Variants in UGT1A8 observed in about 807,000 individuals in gnomAD.
UGT1A8 encodes UDP-glucuronosyltransferase 1A8.
A neutral mutation model predicts 45.3 loss-of-function variants in UGT1A8; 39 were observed. That is an observed-to-expected ratio of 0.86 (90% CI 0.67 to 1.12). The LOEUF (loss-of-function observed/expected upper bound fraction) is 1.12, where lower values mean the gene tolerates loss of function less well. Ranked by LOEUF, UGT1A8 falls within the 50% of genes most tolerant of loss-of-function variation. UGT1A8 has a pLI of 0.00. For synonymous variants in UGT1A8, 275 were observed against 249.2 expected, an observed-to-expected ratio of 1.10 and a Z score of -0.97; for missense variants, 719 against 664.9, an observed-to-expected ratio of 1.08 and a Z score of -0.90.
At chr2:233,653,778 G>A (rs1266020829) in intron 1 of UGT1A8, among the ~76,000 whole-genome samples, 2 of 152,166 alleles carry the variant, frequency 1.3e-5, no homozygotes, top group Non-Finnish European at 2.9e-5. Context: ...TGTATTTTTA[G>A]TAGACATGGG....
intron 1 of UGT1A8, chr2:233,755,174 G>T (rs868590389): frequency 1.1e-5 from 14 of 1,248,736 alleles, no homozygotes; most frequent in Middle Eastern, 4.4e-4. Flanking sequence ...GGTTTTTGTC[G>T]GGGTGCCACT....
At chr2:233,736,291 G>A (rs1279591906) in intron 1 of UGT1A8, among the ~76,000 whole-genome samples, 1 of 151,976 alleles carries the variant, frequency 6.6e-6, no homozygotes, top group Admixed American at 6.6e-5. Flanking sequence ...CTTTCTTCCA[G>A]TTGCTCTAAT....
At chr2:233,753,812 C>G (rs1215022778) in intron 1 of UGT1A8, among the ~76,000 whole-genome samples, 1 of 152,152 alleles carries the variant, frequency 6.6e-6, no homozygotes, top group Non-Finnish European at 1.5e-5. Flanking sequence ...AGTTGGAGAA[C>G]CACGTTAGGG....
At chr2:233,668,219 C>T (rs552813773) in intron 1 of UGT1A8, among the ~76,000 whole-genome samples, 23 of 152,162 alleles carry the variant, frequency 1.5e-4, no homozygotes, top group Non-Finnish European at 2.2e-4. Context: ...CCCCACCTCT[C>T]GACAGGCCCC....
chr2:233,763,254 T>C (rs1698269941), intron 1 of UGT1A8, among the ~76,000 whole-genome samples: 1 of 152,240 alleles, frequency 6.6e-6, no homozygotes, highest in Non-Finnish European at 1.5e-5. Context: ...TAGTAACCTG[T>C]TTTGTCTTGT....
At chr2:233,682,036 G>A in intron 1 of UGT1A8, 1 of 1,614,116 alleles carries the variant, frequency 6.2e-7, no homozygotes, top group Admixed American at 1.7e-5. Flanking sequence ...TAGTGCCCAT[G>A]GATGGGAGCC....
intron 1 of UGT1A8, among the ~76,000 whole-genome samples, chr2:233,733,833 G>A (rs1195470780): frequency 2.6e-5 from 4 of 152,136 alleles, no homozygotes; most frequent in African/African-American, 4.8e-5. Flanking sequence ...ATGAGTTAGG[G>A]AGGATTCCCT....
At chr2:233,757,176 AG>A (rs1350201754) in intron 1 of UGT1A8, among the ~76,000 whole-genome samples, 4 of 151,300 alleles carry the variant, frequency 2.6e-5, no homozygotes, top group Non-Finnish European at 5.9e-5. Flanking sequence ...TTTGAGAGCA[AG>A]GCAGAGGACT....
At chr2:233,650,181 G>T (rs2073704705) in intron 1 of UGT1A8, among the ~76,000 whole-genome samples, 1 of 152,074 alleles carries the variant, frequency 6.6e-6, no homozygotes, top group African/African-American at 2.4e-5. Flanking sequence ...TGTTGGTCAG[G>T]CTGGTCTCGA....
chr2:233,719,934 T>C (rs747645753), intron 1 of UGT1A8, among the ~76,000 whole-genome samples: 3 of 152,106 alleles, frequency 2.0e-5, no homozygotes, highest in African/African-American at 7.2e-5. Context: ...CGGACAGTGT[T>C]TGTAAAGGCA....
chr2:233,631,568 T>C (rs1457016861), intron 1 of UGT1A8, among the ~76,000 whole-genome samples: 1 of 152,256 alleles, frequency 6.6e-6, no homozygotes, highest in Non-Finnish European at 1.5e-5. Context: ...TGGTTTTGAT[T>C]TGCATTTCTC....
chr2:233,725,092 C>T (rs1421040680), intron 1 of UGT1A8, among the ~76,000 whole-genome samples: 3 of 144,372 alleles, frequency 2.1e-5, no homozygotes, highest in African/African-American at 7.9e-5. Flanking sequence ...CAGGCTGAGG[C>T]AGGAGAATCA....
chr2:233,758,308 C>G (rs1190172459), intron 1 of UGT1A8, among the ~76,000 whole-genome samples: 1 of 152,214 alleles, frequency 6.6e-6, no homozygotes. Flanking sequence ...TCCAGGTACA[C>G]AGCAGAAGCA....
chr2:233,642,293 T>A (rs1330757606), intron 1 of UGT1A8, among the ~76,000 whole-genome samples: 1 of 152,228 alleles, frequency 6.6e-6, no homozygotes, highest in African/African-American at 2.4e-5. Flanking sequence ...ATTCTGCTAT[T>A]AAAGGACTTT....
chr2:233,751,126 G>C (rs1694648439), intron 1 of UGT1A8, among the ~76,000 whole-genome samples: 1 of 151,986 alleles, frequency 6.6e-6, no homozygotes, highest in East Asian at 1.9e-4. Flanking sequence ...TGTCCAAGTT[G>C]CCTGAGACTG....
intron 1 of UGT1A8, chr2:233,671,736 T>C (rs1559333698): frequency 1.6e-6 from 2 of 1,212,746 alleles, no homozygotes; most frequent in East Asian, 5.3e-5. Flanking sequence ...CTGGAAAACA[T>C]ACAAATAGAT....
intron 1 of UGT1A8, among the ~76,000 whole-genome samples, chr2:233,687,326 C>T (rs1474310989): frequency 1.3e-5 from 2 of 152,066 alleles, no homozygotes; most frequent in South Asian, 2.1e-4. Context: ...ATGCAAGTTT[C>T]CCTTGAATGA....
chr2:233,713,504 T>A, intron 1 of UGT1A8: 1 of 1,614,014 alleles, frequency 6.2e-7, no homozygotes, highest in Middle Eastern at 1.7e-4. Context: ...CTGCTGTGTT[T>A]TTCTTGAGGA....
Position 233,772,749 on chromosome 2 carries a change from G to C in UGT1A8, c.*190G>C. 7.0e-7 allele frequency: 1 copy of C among 1,420,230 alleles called. No homozygotes were observed. Among genetic ancestry groups the C allele is most frequent in the East Asian group, 2.5e-5 (1 of 40,006 alleles). 88.0% of individuals were successfully genotyped at this position (1,420,230 alleles called of 1,614,324 possible). Reference sequence around the variant, plus strand: ...GACTCGCTAGTCAGTAAAGATATTTGAATATGTATCGTGCCCCCTCTGGTG... The same window carrying C: ...GACTCGCTAGTCAGTAAAGATATTTCAATATGTATCGTGCCCCCTCTGGTG... On this transcript the variant is annotated 3_prime_UTR_variant, in exon 5 of 5. Coordinates refer to ENST00000373450, the MANE Select transcript of UGT1A8 (RefSeq NM_019076.5).
Sources: allele counts gnomAD v4.1 joint callset (sites outside exome capture counted in the v4.1 genomes callset), GRCh38; gene constraint gnomAD v4.1.1; transcripts MANE v1.5; gene names NCBI Gene and HGNC (gene_info 2026-07-23, HGNC 2026-07-21).